Variants in RBFOX1 observed in about 807,000 individuals in gnomAD.
RBFOX1 encodes RNA binding protein fox-1 homolog 1.
RBFOX1 carries 8 observed loss-of-function variants against 57.7 expected under a neutral mutation model. That is an observed-to-expected ratio of 0.14 (90% CI 0.08 to 0.25). RBFOX1 has a LOEUF of 0.25. Ranked by LOEUF, RBFOX1 falls within the 10% of genes least tolerant of loss-of-function variation. The pLI is 1.00. For synonymous variants in RBFOX1, 326 were observed against 222.4 expected, an observed-to-expected ratio of 1.47 and a Z score of -4.15; for missense variants, 611 against 548.5, an observed-to-expected ratio of 1.11 and a Z score of -1.14.
At chr16:6,567,577 G>A (rs2097284968) in intron 2 of RBFOX1, among the ~76,000 whole-genome samples, 1 of 152,094 alleles carries the variant, frequency 6.6e-6, no homozygotes. Context: ...GTGTCTGCTT[G>A]TTCTCAGTCT....
In RBFOX1 at chr16:6,671,038, G is replaced by T. The variant is rs866060856; in HGVS notation, c.-16+16388G>T. 1.4e-4 allele frequency among the ~76,000 whole-genome samples: 21 copies of T among 152,270 alleles called. No homozygotes were observed. The Middle Eastern group carries it at 0.01, about 74-fold the overall frequency. The stretch of plus-strand genomic sequence containing the variant: ...ACTGGTTTCCTTATTTACTTGGTAT[G>T]TTGCAATTTGGTAGAAATCATTTAA... On this transcript the variant is annotated intron_variant, in intron 3 of 15. Transcript: ENST00000550418.
At chr16:5,982,375 G>C (rs931007764) in intron 4 of RBFOX1, among the ~76,000 whole-genome samples, 1 of 152,052 alleles carries the variant, frequency 6.6e-6, no homozygotes, top group African/African-American at 2.4e-5. Context: ...CTGGGTTCAA[G>C]CAGTTTTCCC....
chr16:5,619,574 C>T (rs77449252), intron 3 of RBFOX1, among the ~76,000 whole-genome samples: 1 of 152,306 alleles, frequency 6.6e-6, no homozygotes, highest in Non-Finnish European at 1.5e-5. Context: ...TGCCTCCGGA[C>T]AGAGCTTTTC....
At chr16:5,746,588 A>G (rs2052991058) in intron 3 of RBFOX1, among the ~76,000 whole-genome samples, 1 of 152,242 alleles carries the variant, frequency 6.6e-6, no homozygotes, top group African/African-American at 2.4e-5. Flanking sequence ...ATGTTCTTCT[A>G]TTTGTTTGTG....
At chr16:5,780,347 T>A (rs1396856710) in intron 3 of RBFOX1, among the ~76,000 whole-genome samples, 1 of 152,238 alleles carries the variant, frequency 6.6e-6, no homozygotes, top group East Asian at 1.9e-4. Flanking sequence ...ATCTTTTTAT[T>A]TCTTCTGGGT....
intron 2 of RBFOX1, among the ~76,000 whole-genome samples, chr16:5,497,024 G>C (rs4584821): frequency 6.6e-6 from 1 of 152,148 alleles, no homozygotes; most frequent in African/African-American, 2.4e-5. Flanking sequence ...GGGGGATATT[G>C]AGTAAATTGA....
chr16:7,075,747 A>T (rs1161998143), intron 4 of RBFOX1, among the ~76,000 whole-genome samples: 6 of 151,426 alleles, frequency 4.0e-5, no homozygotes, highest in South Asian at 2.1e-4. Context: ...CGCTCGGCTA[A>T]TTTTTTTTAT....
chr16:6,135,215 T>A (rs1365043896), intron 1 of RBFOX1, among the ~76,000 whole-genome samples: 1 of 152,158 alleles, frequency 6.6e-6, no homozygotes, highest in South Asian at 2.1e-4. Context: ...AACAGCAAAA[T>A]ATAGATGGCA....
intron 2 of RBFOX1, among the ~76,000 whole-genome samples, chr16:6,353,945 A>G (rs949473412): frequency 6.6e-6 from 1 of 152,120 alleles, no homozygotes. Context: ...GCATAAACAC[A>G]TAAACAGTTC....
At chr16:5,569,255 G>T (rs117301302) in intron 2 of RBFOX1, among the ~76,000 whole-genome samples, 2 of 151,838 alleles carry the variant, frequency 1.3e-5, no homozygotes, top group African/African-American at 2.4e-5. Flanking sequence ...ACCAACCCCG[G>T]TGTAGATGTT....
At chr16:6,568,277 G>A (rs918185121) in intron 2 of RBFOX1, among the ~76,000 whole-genome samples, 7 of 152,118 alleles carry the variant, frequency 4.6e-5, no homozygotes, top group South Asian at 2.1e-4. Context: ...TGGGGCAGCC[G>A]TCAGTGACAG....
At chr16:6,266,725 A>AG (rs2074550163) in intron 1 of RBFOX1, among the ~76,000 whole-genome samples, 1 of 150,442 alleles carries the variant, frequency 6.6e-6, no homozygotes, top group Non-Finnish European at 1.5e-5. Context: ...AAAAAAAAAA[A>AG]AGAAGAAGAA....
chr16:6,428,214 A>T (rs1487538045), intron 2 of RBFOX1, among the ~76,000 whole-genome samples: 1 of 144,248 alleles, frequency 6.9e-6, no homozygotes, highest in Non-Finnish European at 1.5e-5. Flanking sequence ...TGAGCCTGGG[A>T]GGCAGAGGTT....
chr16:7,676,564 C>T (rs1036002016), intron 13 of RBFOX1, among the ~76,000 whole-genome samples: 4 of 152,128 alleles, frequency 2.6e-5, no homozygotes, highest in Non-Finnish European at 4.4e-5. Context: ...TGCTTATGAC[C>T]GCTAACCTTT....
At chr16:5,522,361 GGAGCATT>G (rs562973304) in intron 2 of RBFOX1, among the ~76,000 whole-genome samples, 25 of 152,192 alleles carry the variant, frequency 1.6e-4, no homozygotes, top group Non-Finnish European at 3.5e-4. Context: ...TAGGTCCTGG[GGAGCATT>G]GAGGAAACGG....
intron 4 of RBFOX1, among the ~76,000 whole-genome samples, chr16:5,973,939 G>A (rs1040202654): frequency 3.3e-5 from 5 of 152,100 alleles, no homozygotes; most frequent in Non-Finnish European, 5.9e-5. Flanking sequence ...CAGGATGACC[G>A]GCATTTTCAT....
chr16:6,832,739 G>C (rs894161693), intron 3 of RBFOX1, among the ~76,000 whole-genome samples: 3 of 152,138 alleles, frequency 2.0e-5, no homozygotes, highest in Non-Finnish European at 2.9e-5. Flanking sequence ...TATCTTTGCA[G>C]CTCTCTGTAA....
chr16:6,428,662 C>G (rs1415867826), intron 2 of RBFOX1, among the ~76,000 whole-genome samples: 3 of 152,106 alleles, frequency 2.0e-5, no homozygotes, highest in South Asian at 2.1e-4. Context: ...ATTGCTGTTA[C>G]TATTATCTAA....
chr16:5,727,401 A>G (rs2052192047), intron 3 of RBFOX1, among the ~76,000 whole-genome samples: 2 of 152,252 alleles, frequency 1.3e-5, no homozygotes, highest in Admixed American at 1.3e-4. Context: ...AAGGTGTACG[A>G]TGTGATGCTC....
Sources: allele counts gnomAD v4.1 joint callset (sites outside exome capture counted in the v4.1 genomes callset), GRCh38; gene constraint gnomAD v4.1.1; transcripts MANE v1.5; gene names NCBI Gene and HGNC (gene_info 2026-07-23, HGNC 2026-07-21).